The following ELOVL6 variants were observed in gnomAD, a reference collection of about 807,000 sequenced individuals.
The protein encoded by ELOVL6 is ELOVL fatty acid elongase 6.
A neutral mutation model predicts 31.7 loss-of-function variants in ELOVL6; 8 were observed. The observed-to-expected ratio is 0.25, with a 90% CI of 0.15 to 0.45. The LOEUF (loss-of-function observed/expected upper bound fraction) is 0.45, where lower values mean the gene tolerates loss of function less well. Among genes scored for constraint, ELOVL6 ranks in the 20% least tolerant of loss-of-function variants. The pLI, the probability that ELOVL6 is intolerant of heterozygous loss-of-function variation, is 1.00. For missense variants in ELOVL6, 126 were observed against 326.4 expected, an observed-to-expected ratio of 0.39 and a Z score of 4.73; for synonymous variants, 101 against 117.7, an observed-to-expected ratio of 0.86 and a Z score of 0.92.
At chr4:110,164,842 G>A (rs1210407901) in intron 1 of ELOVL6, among the ~76,000 whole-genome samples, 1 of 151,694 alleles carries the variant, frequency 6.6e-6, no homozygotes, top group Non-Finnish European at 1.5e-5. Context: ...TTGTTTTGGG[G>A]AATTTCTTTT....
At chr4:110,054,820 C>T (rs528680835) in intron 3 of ELOVL6, among the ~76,000 whole-genome samples, 2 of 152,026 alleles carry the variant, frequency 1.3e-5, no homozygotes, top group Non-Finnish European at 2.9e-5. Flanking sequence ...CTGGGTGTTT[C>T]TAGTTACTTT....
At chr4:110,060,855 T>C (rs1755117799) in intron 2 of ELOVL6, among the ~76,000 whole-genome samples, 1 of 152,210 alleles carries the variant, frequency 6.6e-6, no homozygotes, top group Non-Finnish European at 1.5e-5. Context: ...CCTTCTTTTC[T>C]CCTCAGAGGC....
At chr4:110,196,087 C>T (rs981505758) in intron 1 of ELOVL6, among the ~76,000 whole-genome samples, 1 of 152,048 alleles carries the variant, frequency 6.6e-6, no homozygotes, top group Non-Finnish European at 1.5e-5. Context: ...GGAAATGGTA[C>T]CTGAAGCAGG....
At chr4:110,126,049 A>G (rs966062741) in intron 1 of ELOVL6, among the ~76,000 whole-genome samples, 10 of 151,890 alleles carry the variant, frequency 6.6e-5, no homozygotes, top group Non-Finnish European at 1.3e-4. Context: ...AAACTGTCCA[A>G]TCTTTTTTTT....
intron 1 of ELOVL6, among the ~76,000 whole-genome samples, chr4:110,150,644 C>T (rs1396182822): frequency 2.0e-5 from 3 of 152,078 alleles, no homozygotes; most frequent in Non-Finnish European, 4.4e-5. Context: ...TTATTCTTGA[C>T]ATTATTTAAA....
chr4:110,087,818 A>AC (rs1553956522), intron 2 of ELOVL6, among the ~76,000 whole-genome samples: 17 of 148,618 alleles, frequency 1.1e-4, no homozygotes, highest in Admixed American at 2.0e-4. Context: ...AAAAAAAAAA[A>AC]CCTCCTATTT....
chr4:110,059,535 C>A, intron 3 of ELOVL6, 68 bp downstream of exon 3: 1 of 1,472,500 alleles, frequency 6.8e-7, no homozygotes, highest in Non-Finnish European at 9.1e-7. Context: ...TGTTTCTTTG[C>A]TCACTAAATA....
chr4:110,098,741 T>C (rs1383586378), intron 2 of ELOVL6, among the ~76,000 whole-genome samples: 1 of 152,216 alleles, frequency 6.6e-6, no homozygotes, highest in Non-Finnish European at 1.5e-5. Context: ...CTCAGCATTA[T>C]GCTTTCCAAT....
chr4:110,094,816 T>A (rs1166086109), intron 2 of ELOVL6, among the ~76,000 whole-genome samples: 2 of 151,996 alleles, frequency 1.3e-5, no homozygotes, highest in African/African-American at 4.8e-5. Flanking sequence ...CTAGGGCAGT[T>A]GATGCAAGAA....
rs754216856 is a variant in ELOVL6 at position 110,198,360 on chromosome 4, C to T, written c.-25G>A. On this transcript the variant is annotated 5_prime_UTR_variant, in exon 1 of 4. Coordinates refer to ENST00000302274, the MANE Select transcript of ELOVL6 (RefSeq NM_024090.3). Reference sequence around the variant, plus strand: ...TTGGGGCTGATCTTCGGAGTCGCTACGTGTTCTCTATACAAAATAAAATAA... The same window carrying T: ...TTGGGGCTGATCTTCGGAGTCGCTATGTGTTCTCTATACAAAATAAAATAA... The T allele has an allele frequency of 1.5e-6, 2 of 1,372,562 alleles. No individual in the cohort carries two copies. Among genetic ancestry groups the T allele is most frequent in the Non-Finnish European group, 2.1e-6 (2 of 964,140 alleles). The allele number at this position is 1,372,562 out of a possible 1,614,324, so 85.0% of individuals were successfully genotyped here.
chr4:110,171,093 T>C (rs528804873), intron 1 of ELOVL6, among the ~76,000 whole-genome samples: 1 of 152,338 alleles, frequency 6.6e-6, no homozygotes, highest in South Asian at 2.1e-4. Context: ...CAGGCCTTGC[T>C]GGGTTTCCCG....
intron 1 of ELOVL6, among the ~76,000 whole-genome samples, chr4:110,130,387 G>C (rs764725060): frequency 6.6e-6 from 1 of 152,112 alleles, no homozygotes; most frequent in Non-Finnish European, 1.5e-5. Context: ...CCTCTGTTGA[G>C]CTGCCTGATC....
At chr4:110,187,524 G>A (rs146935520) in intron 1 of ELOVL6, among the ~76,000 whole-genome samples, 4 of 151,430 alleles carry the variant, frequency 2.6e-5, no homozygotes, top group South Asian at 2.1e-4. Flanking sequence ...GTGAAACCCC[G>A]TCTCTACTAA....
intron 1 of ELOVL6, among the ~76,000 whole-genome samples, chr4:110,136,461 C>T (rs899981192): frequency 6.6e-6 from 1 of 152,052 alleles, no homozygotes. Flanking sequence ...AAGCTAGGAC[C>T]GATTACATGT....
At chr4:110,082,661 G>A (rs1755901064) in intron 2 of ELOVL6, among the ~76,000 whole-genome samples, 1 of 151,970 alleles carries the variant, frequency 6.6e-6, no homozygotes, top group East Asian at 1.9e-4. Flanking sequence ...GAGTTAATGG[G>A]TGCAGCACAC....
intron 1 of ELOVL6, among the ~76,000 whole-genome samples, chr4:110,159,760 A>T (rs981649299): frequency 1.3e-5 from 2 of 152,330 alleles, no homozygotes; most frequent in African/African-American, 2.4e-5. Context: ...ATGTACAAAA[A>T]TTCACACTTT....
chr4:110,119,312 A>T (rs1028123474), intron 1 of ELOVL6, among the ~76,000 whole-genome samples: 1 of 152,160 alleles, frequency 6.6e-6, no homozygotes, highest in Non-Finnish European at 1.5e-5. Flanking sequence ...AAGAAAGAAA[A>T]AAAAAGGTGG....
At chr4:110,123,824 G>A (rs1757419327) in intron 1 of ELOVL6, among the ~76,000 whole-genome samples, 2 of 152,128 alleles carry the variant, frequency 1.3e-5, no homozygotes, top group Non-Finnish European at 2.9e-5. Flanking sequence ...TGTGTATCTG[G>A]GCAATAATTC....
At chr4:110,161,014 C>A (rs7681062) in intron 1 of ELOVL6, among the ~76,000 whole-genome samples, 2 of 151,968 alleles carry the variant, frequency 1.3e-5, no homozygotes, top group Non-Finnish European at 2.9e-5. Context: ...GATGCTGCTA[C>A]ATGAAAGAAT....
Sources: allele counts gnomAD v4.1 joint callset (sites outside exome capture counted in the v4.1 genomes callset), GRCh38; gene constraint gnomAD v4.1.1; transcripts MANE v1.5; gene names NCBI Gene and HGNC (gene_info 2026-07-23, HGNC 2026-07-21).